GRK3: variants seen among roughly 807,000 people sequenced by gnomAD.
GRK3 encodes G protein-coupled receptor kinase 3.
In GRK3, 54 loss-of-function variants were observed where a neutral mutation model predicts 95.7. That is an observed-to-expected ratio of 0.56 (90% CI 0.45 to 0.71). GRK3 has a LOEUF of 0.71. GRK3 is among the 30% of genes least tolerant of loss of function. GRK3 has a pLI of 0.00. For missense variants in GRK3, 649 were observed against 851.2 expected, an observed-to-expected ratio of 0.76 and a Z score of 2.96; for synonymous variants, 281 against 290.8, an observed-to-expected ratio of 0.97 and a Z score of 0.34.
intron 2 of GRK3, among the ~76,000 whole-genome samples, chr22:25,638,662 C>T (rs1318458763): frequency 2.0e-5 from 3 of 152,204 alleles, no homozygotes; most frequent in Admixed American, 1.3e-4. Context: ...AGGAAATCTC[C>T]TGTATTCCAG....
At chr22:25,641,658 G>T (rs558907021) in intron 2 of GRK3, among the ~76,000 whole-genome samples, 1 of 152,236 alleles carries the variant, frequency 6.6e-6, no homozygotes, top group African/African-American at 2.4e-5. Flanking sequence ...CTCAAGGAAA[G>T]GGATATGTGA....
At chr22:25,634,688 T>A (rs1406627706) in intron 2 of GRK3, among the ~76,000 whole-genome samples, 2 of 152,170 alleles carry the variant, frequency 1.3e-5, no homozygotes, top group Non-Finnish European at 2.9e-5. Flanking sequence ...TAAGTTTTCT[T>A]CTAGTGCAAA....
intron 1 of GRK3, among the ~76,000 whole-genome samples, chr22:25,583,280 G>T (rs1175827904): frequency 6.6e-6 from 1 of 151,886 alleles, no homozygotes; most frequent in Non-Finnish European, 1.5e-5. Context: ...GGTAATTTAG[G>T]AATTCTTCTC....
chr22:25,714,541 C>G lies in GRK3; in HGVS notation c.1625C>G (p.Ala542Gly), dbSNP rs2085368448. The G allele has an allele frequency of 6.2e-7, 1 of 1,605,960 alleles. No individual in the cohort carries two copies. Among genetic ancestry groups the G allele is most frequent in the Non-Finnish European group, 8.5e-7 (1 of 1,177,714 alleles). The change falls in exon 18 of 21, where the codon GCT becomes GGT. Residue 542 changes from alanine (A) to glycine (G), a missense_variant. Ala to Gly is a moderately conservative substitution (Grantham distance 60). Around this residue, in one of 3 missense-constraint regions of GRK3, gnomAD observed 382 missense variants for 493.8 expected, o/e 0.77. Transcript: ENST00000324198. ...DTDKIEARKRAKNKQLGHEED... is the reference protein window; with the variant it reads ...DTDKIEARKRGKNKQLGHEED... ...GATAAAATCGAGGCCAGGAAGAGAG[C>G]TAAAAATAAGCAACTTGGCCACGAA...
At chr22:25,585,659 A>G (rs1273051023) in intron 1 of GRK3, among the ~76,000 whole-genome samples, 1 of 152,268 alleles carries the variant, frequency 6.6e-6, no homozygotes, top group Non-Finnish European at 1.5e-5. Context: ...ACTGTCATTT[A>G]TGAGTTGTTT....
intron 1 of GRK3, among the ~76,000 whole-genome samples, chr22:25,586,546 T>C (rs1391066870): frequency 6.6e-6 from 1 of 152,232 alleles, no homozygotes; most frequent in African/African-American, 2.4e-5. Flanking sequence ...TGACAGTCCA[T>C]TGTGGGAAAT....
chr22:25,600,936 A>G (rs1334176924), intron 1 of GRK3, among the ~76,000 whole-genome samples: 2 of 152,252 alleles, frequency 1.3e-5, no homozygotes, highest in Non-Finnish European at 2.9e-5. Context: ...GTATTTCATA[A>G]TGATCATGGG....
intron 3 of GRK3, among the ~76,000 whole-genome samples, chr22:25,645,168 AAG>A (rs551144264): frequency 4.1e-4 from 63 of 152,236 alleles, no homozygotes; most frequent in African/African-American, 1.4e-3. Flanking sequence ...AGGGGAGCTG[AAG>A]AGAGAGGCCA....
At chr22:25,635,039 C>T (rs1191482230) in intron 2 of GRK3, among the ~76,000 whole-genome samples, 1 of 152,130 alleles carries the variant, frequency 6.6e-6, no homozygotes, top group African/African-American at 2.4e-5. Context: ...AACTTGCGGC[C>T]CGCGGGCTGC....
intron 3 of GRK3, chr22:25,648,426 T>A: frequency 7.8e-7 from 1 of 1,286,006 alleles, no homozygotes; most frequent in Non-Finnish European, 1.1e-6. Context: ...AATCCCTTGA[T>A]AATCTTTGCG....
intron 3 of GRK3, among the ~76,000 whole-genome samples, chr22:25,657,656 G>A (rs894246840): frequency 6.6e-6 from 1 of 151,872 alleles, no homozygotes; most frequent in Non-Finnish European, 1.5e-5. Flanking sequence ...TTTAGATATT[G>A]TATTTATCCT....
chr22:25,695,960 C>T (rs58546475), intron 13 of GRK3, among the ~76,000 whole-genome samples: 23,594 of 151,484 alleles, frequency 0.16, 5,167 homozygotes, highest in African/African-American at 0.5. Context: ...CAGCCTCCTG[C>T]GTAGCTGGGA....
intron 13 of GRK3, among the ~76,000 whole-genome samples, chr22:25,697,220 G>T (rs8142414): frequency 0.2 from 29,699 of 152,132 alleles, 7,168 homozygotes; most frequent in African/African-American, 0.58. Flanking sequence ...TGTTAAAATG[G>T]CCATGCATAT....
intron 2 of GRK3, among the ~76,000 whole-genome samples, chr22:25,639,682 G>A (rs1318653539): frequency 2.6e-5 from 4 of 152,070 alleles, no homozygotes; most frequent in Admixed American, 2.6e-4. Flanking sequence ...TTTCGAATCA[G>A]CTTGTCAGTT....
intron 1 of GRK3, among the ~76,000 whole-genome samples, chr22:25,594,970 A>G (rs2084362556): frequency 6.6e-6 from 1 of 152,182 alleles, no homozygotes; most frequent in Admixed American, 6.5e-5. Flanking sequence ...AAAATCCAGT[A>G]CGCTTCATGT....
In GRK3 at chr22:25,695,089, A is replaced by G. The variant is rs761703078; in HGVS notation, c.1053-18A>G. The G allele has an allele frequency of 5.0e-6, 8 of 1,593,468 alleles. No individual in the cohort carries two copies. The East Asian group carries it at 1.6e-4, about 31-fold the overall frequency. ...AGTGGGCATGCTCTGATAACTGTGT[A>G]TACTTTCTTCTCCCTAGTGGCACCC... On this transcript the variant is annotated intron_variant, in intron 12 of 20. Transcript: ENST00000324198.
At chr22:25,621,081 G>A (rs117958783) in intron 2 of GRK3, among the ~76,000 whole-genome samples, 3,954 of 152,278 alleles carry the variant, frequency 0.026, 86 homozygotes, top group Middle Eastern at 0.068. Context: ...TTAAAAGTGC[G>A]TCACTAGACC....
At chr22:25,604,324 G>T (rs1310237171) in intron 1 of GRK3, 53 bp from the exon 2 acceptor site, 2 of 1,321,642 alleles carry the variant, frequency 1.5e-6, no homozygotes, top group Non-Finnish European at 2.1e-6. Flanking sequence ...CCTGGGGATG[G>T]TTACTCACGA....
At chr22:25,646,386 C>G (rs1286576583) in intron 3 of GRK3, among the ~76,000 whole-genome samples, 1 of 152,072 alleles carries the variant, frequency 6.6e-6, no homozygotes, top group African/African-American at 2.4e-5. Flanking sequence ...TGGTTCAGTT[C>G]AATAGCAGAT....
Sources: gnomAD v4.1 joint callset for allele counts (sites outside exome capture counted in the v4.1 genomes callset) on GRCh38, gnomAD v4.1.1 for gene constraint, gnomAD v4.1.1 regional missense constraint, MANE v1.5 for transcripts, NCBI Gene and HGNC (gene_info 2026-07-23, HGNC 2026-07-21) for gene names.